The following WASF1 variants were observed in gnomAD, a reference collection of about 807,000 sequenced individuals.
The protein encoded by WASF1 is WASP family member 1.
In WASF1, 7 loss-of-function variants were observed where a neutral mutation model predicts 50.5. The observed-to-expected ratio is 0.14, with a 90% CI of 0.08 to 0.26. The LOEUF is 0.26. Among genes scored for constraint, WASF1 ranks in the 10% least tolerant of loss-of-function variants. The pLI, the probability that WASF1 is intolerant of heterozygous loss-of-function variation, is 1.00. For synonymous variants in WASF1, 205 were observed against 244.0 expected (o/e 0.84, Z 1.49); for missense variants, 470 against 694.7 (o/e 0.68, Z 3.64).
chr6:110,120,801 A>T (rs1774078204), intron 4 of WASF1, among the ~76,000 whole-genome samples: 2 of 152,258 alleles, frequency 1.3e-5, no homozygotes, highest in South Asian at 4.1e-4. Context: ...ACAAGGCTAC[A>T]GTAACCAAAA....
At chr6:110,176,907 C>T (rs916092165) in intron 2 of WASF1, among the ~76,000 whole-genome samples, 1 of 151,992 alleles carries the variant, frequency 6.6e-6, no homozygotes, top group Non-Finnish European at 1.5e-5. Context: ...CACAAAGTAA[C>T]CAAAAGCACT....
Position 110,162,336 on chromosome 6 carries a change from C to T in WASF1, c.-126-1604G>A, listed in dbSNP as rs188789835. On this transcript the variant is annotated intron_variant, in intron 2 of 10. Coordinates refer to ENST00000392589, the MANE Select transcript of WASF1 (RefSeq NM_003931.3). ...GCAAGATATAAATTAAGATTTGTCA[C>T]GCAGACAACGTATTTCTTGCTTCAA... is the stretch of plus-strand genomic sequence containing the variant. Among the ~76,000 whole-genome samples, 77 of 150,636 alleles carry T rather than the reference C, an allele frequency of 5.1e-4. No homozygotes were observed. The Middle Eastern group carries it at 0.027, about 53-fold the overall frequency.
chr6:110,154,309 A>G (rs1775959991), intron 3 of WASF1, among the ~76,000 whole-genome samples: 1 of 152,130 alleles, frequency 6.6e-6, no homozygotes, highest in Non-Finnish European at 1.5e-5. Context: ...GTACCTAACA[A>G]TATCATATGG....
At chr6:110,115,512 T>C (rs1773764721) in intron 4 of WASF1, among the ~76,000 whole-genome samples, 1 of 152,184 alleles carries the variant, frequency 6.6e-6, no homozygotes, top group Admixed American at 6.5e-5. Flanking sequence ...CTTTTAAAAT[T>C]CTTGTGATAA....
rs117801212 is a variant in WASF1, at chr6:110,105,954, G to A, written c.541-375C>T. Among the ~76,000 whole-genome samples the A allele has an allele frequency of 3.9e-4, 60 of 152,206 alleles. No homozygotes were observed. The East Asian group carries it at 0.011, about 27-fold the overall frequency. On this transcript the variant is annotated intron_variant, in intron 7 of 10. Transcript: ENST00000392589. Reference sequence around the variant, plus strand: ...GGCATTGTCTGCCCCTAATCAAAACGTAACAATTTACTAAGGTTATGTTAT... The same window carrying A: ...GGCATTGTCTGCCCCTAATCAAAACATAACAATTTACTAAGGTTATGTTAT...
intron 7 of WASF1, among the ~76,000 whole-genome samples, chr6:110,106,754 T>C (rs1773341722): frequency 6.6e-6 from 1 of 152,226 alleles, no homozygotes; most frequent in Non-Finnish European, 1.5e-5. Flanking sequence ...ACCTAACTCC[T>C]ATCTGTTCTT....
chr6:110,154,821 A>T (rs183112421), intron 3 of WASF1, among the ~76,000 whole-genome samples: 34 of 152,270 alleles, frequency 2.2e-4, no homozygotes, highest in African/African-American at 7.7e-4. Context: ...TACTAAAAAA[A>T]ATCAGGGAAT....
intron 1 of WASF1, among the ~76,000 whole-genome samples, chr6:110,179,075 C>A (rs555957456): frequency 6.6e-6 from 1 of 152,354 alleles, no homozygotes; most frequent in Non-Finnish European, 1.5e-5. Flanking sequence ...GGGGCTACCG[C>A]CTCCCCCGGA....
intron 3 of WASF1, among the ~76,000 whole-genome samples, chr6:110,152,431 T>C (rs1018230936): frequency 2.6e-5 from 4 of 152,204 alleles, no homozygotes; most frequent in African/African-American, 9.6e-5. Context: ...ATGTCTGTAT[T>C]ATCAAAATTC....
intron 3 of WASF1, among the ~76,000 whole-genome samples, chr6:110,155,248 C>T (rs1006342284): frequency 3.3e-5 from 5 of 152,030 alleles, no homozygotes; most frequent in African/African-American, 9.7e-5. Flanking sequence ...TACCAATATA[C>T]CATCATAATG....
At chr6:110,108,040 G>C (rs1205458053) in intron 6 of WASF1, among the ~76,000 whole-genome samples, 2 of 143,620 alleles carry the variant, frequency 1.4e-5, no homozygotes, top group Non-Finnish European at 3.0e-5. Flanking sequence ...GCAGGCGCCT[G>C]TAGTCCCAGC....
At chr6:110,149,146 T>C (rs2062713006) in intron 3 of WASF1, among the ~76,000 whole-genome samples, 1 of 152,046 alleles carries the variant, frequency 6.6e-6, no homozygotes, top group African/African-American at 2.4e-5. Context: ...GAATGATGAG[T>C]TTTAAAGCCA....
intron 2 of WASF1, among the ~76,000 whole-genome samples, chr6:110,164,784 T>G (rs1276361152): frequency 1.3e-5 from 2 of 151,580 alleles, no homozygotes; most frequent in African/African-American, 4.8e-5. Context: ...CTGCTGAAAC[T>G]TGGAACCAAC....
At chr6:110,123,903 A>T (rs1252201867) in intron 4 of WASF1, among the ~76,000 whole-genome samples, 1 of 152,142 alleles carries the variant, frequency 6.6e-6, no homozygotes, top group African/African-American at 2.4e-5. Context: ...TCCATAAGAG[A>T]AAAGCCAGGG....
At position 110,108,579 on chromosome 6, in the gene WASF1, G is replaced by T. The variant is rs772867615; in HGVS notation, c.371C>A (p.Thr124Lys). 1.1e-5 allele frequency: 17 copies of T among 1,613,888 alleles called. No individual in the cohort carries two copies. Among genetic ancestry groups the T allele is most frequent in the Non-Finnish European group, 2.5e-6 (3 of 1,179,936 alleles). ...TGGAGGCTGTTCACAAACATCGTACGTCTCCTGTAATGGAATAGGCAAAGT... is the reference window on the plus strand; with the variant it reads ...TGGAGGCTGTTCACAAACATCGTACTTCTCCTGTAATGGAATAGGCAAAGT... The part of the protein sequence containing the change: ...RKTLPIPLQE[T>K]YDVCEQPPPL... Residue 124 changes from threonine to lysine, a missense_variant, in exon 6 of 11, where the codon ACG becomes AAG. Around this residue, in one of 3 missense-constraint regions of WASF1, gnomAD observed 140 missense variants for 260.5 expected, o/e 0.54. Transcript: ENST00000392589.
intron 3 of WASF1, among the ~76,000 whole-genome samples, chr6:110,159,650 A>T (rs111709345): frequency 0.013 from 1,936 of 151,982 alleles, 48 homozygotes; most frequent in African/African-American, 0.045. Context: ...GCTTGGGACC[A>T]GAAGTGTTTC....
At chr6:110,132,985 C>CACACACA (rs1228320420) in intron 3 of WASF1, among the ~76,000 whole-genome samples, 13 of 144,936 alleles carry the variant, frequency 9.0e-5, no homozygotes, top group African/African-American at 2.8e-4. Context: ...CACACACACA[C>CACACACA]ACCATGGAAT....
chr6:110,124,237 T>TCC lies in WASF1; in HGVS notation c.133+3231_133+3232insGG, dbSNP rs1562170307. Among the ~76,000 whole-genome samples, 14 of 22,064 alleles carry TCC rather than the reference T, an allele frequency of 6.3e-4. 1 individual carries two copies. The highest frequency in any genetic ancestry group is 2.4e-3 in the African/African-American group (12 of 4,910). The allele number at this position is 22,064 out of a possible 152,430, so 14.5% of individuals were successfully genotyped here. ...TCTCTCCTCTCTCTCCTCTCTCTCC[T>TCC]CTCTCTCTCTCTCTCTCTCTCTCTC... On this transcript the variant is annotated intron_variant, in intron 4 of 10. Coordinates refer to ENST00000392589, the MANE Select transcript of WASF1 (RefSeq NM_003931.3).
chr6:110,117,598 T>C (rs1191440304), intron 4 of WASF1, among the ~76,000 whole-genome samples: 2 of 152,178 alleles, frequency 1.3e-5, no homozygotes, highest in African/African-American at 4.8e-5. Context: ...GTCAGGATAT[T>C]ATCTAGGAGA....
Sources: gnomAD v4.1 joint callset for allele counts (sites outside exome capture counted in the v4.1 genomes callset) on GRCh38, gnomAD v4.1.1 for gene constraint, gnomAD v4.1.1 regional missense constraint, MANE v1.5 for transcripts, NCBI Gene and HGNC (gene_info 2026-07-23, HGNC 2026-07-21) for gene names.